DCLK1: variants seen among roughly 807,000 people sequenced by gnomAD.
DCLK1 encodes the protein serine/threonine-protein kinase DCLK1.
A neutral mutation model predicts 86.2 loss-of-function variants in DCLK1; 16 were observed. That is an observed-to-expected ratio of 0.19 (90% CI 0.13 to 0.28). The LOEUF (loss-of-function observed/expected upper bound fraction) is 0.28. DCLK1 is among the 10% of genes least tolerant of loss of function. The pLI is 1.00. For synonymous variants in DCLK1, 369 were observed against 370.5 expected (o/e 1.00, Z 0.05); for missense variants, 590 against 940.2 (o/e 0.63, Z 4.87).
At chr13:35,888,623 G>T (rs1259973509) in intron 4 of DCLK1, among the ~76,000 whole-genome samples, 1 of 152,198 alleles carries the variant, frequency 6.6e-6, no homozygotes, top group Non-Finnish European at 1.5e-5. Context: ...CTTTTGGAGG[G>T]ATTGTGGTCT....
At chr13:35,992,779 T>C (rs1880293813) in intron 3 of DCLK1, among the ~76,000 whole-genome samples, 2 of 152,158 alleles carry the variant, frequency 1.3e-5, no homozygotes, top group African/African-American at 2.4e-5. Flanking sequence ...GACAATACAT[T>C]TTATGATCAC....
chr13:35,893,895 G>A (rs904166981), intron 4 of DCLK1, among the ~76,000 whole-genome samples: 1 of 152,146 alleles, frequency 6.6e-6, no homozygotes, highest in Non-Finnish European at 1.5e-5. Context: ...AGTAATGATG[G>A]TGATGCCAAA....
At chr13:36,095,606 C>G (rs1884985259) in intron 3 of DCLK1, among the ~76,000 whole-genome samples, 1 of 152,136 alleles carries the variant, frequency 6.6e-6, no homozygotes, top group African/African-American at 2.4e-5. Context: ...TGATTTATGT[C>G]ACCGGATAAG....
At chr13:35,842,228 C>CA (rs35862851) in intron 6 of DCLK1, among the ~76,000 whole-genome samples, 22,616 of 35,002 alleles carry the variant, frequency 0.65, 8,829 homozygotes, top group Non-Finnish European at 0.75. Flanking sequence ...GACTCCATCT[C>CA]AAAAAAAAAA....
chr13:35,888,709 C>A (rs1406178187), intron 4 of DCLK1, among the ~76,000 whole-genome samples: 1 of 152,216 alleles, frequency 6.6e-6, no homozygotes, highest in Non-Finnish European at 1.5e-5. Context: ...TCAGATGATA[C>A]TCTATTTGCA....
intron 4 of DCLK1, among the ~76,000 whole-genome samples, chr13:35,890,442 T>C (rs190947927): frequency 1.3e-5 from 2 of 152,350 alleles, no homozygotes; most frequent in East Asian, 1.9e-4. Flanking sequence ...AATGACAGCA[T>C]AGTATTCCAT....
intron 3 of DCLK1, among the ~76,000 whole-genome samples, chr13:35,957,703 A>AT (rs1180819560): frequency 6.6e-6 from 1 of 152,180 alleles, no homozygotes; most frequent in East Asian, 1.9e-4. Context: ...TGCCAGGAAC[A>AT]TTTGTAAAGG....
At chr13:35,936,331 C>T (rs1876747573) in intron 4 of DCLK1, among the ~76,000 whole-genome samples, 1 of 152,212 alleles carries the variant, frequency 6.6e-6, no homozygotes, top group Non-Finnish European at 1.5e-5. Context: ...ATGAACATTT[C>T]ACCCAGACTC....
intron 2 of DCLK1, among the ~76,000 whole-genome samples, chr13:36,121,819 T>C (rs1052058265): frequency 6.6e-6 from 1 of 152,042 alleles, no homozygotes; most frequent in African/African-American, 2.4e-5. Flanking sequence ...CTCAAGAAAC[T>C]AGTAGGCTGG....
intron 3 of DCLK1, among the ~76,000 whole-genome samples, chr13:36,073,198 T>C (rs183393629): frequency 2.6e-5 from 4 of 152,330 alleles, no homozygotes; most frequent in African/African-American, 9.6e-5. Context: ...TTTAGAACAC[T>C]TTCATCACCT....
intron 4 of DCLK1, among the ~76,000 whole-genome samples, chr13:35,937,136 T>C (rs1876807256): frequency 3.1e-5 from 1 of 31,858 alleles, no homozygotes; most frequent in South Asian, 1.6e-3. Context: ...TGTCCGGCTA[T>C]TTTTTTTTTT....
intron 11 of DCLK1, among the ~76,000 whole-genome samples, chr13:35,814,474 A>G (rs575139915): frequency 6.6e-5 from 10 of 152,306 alleles, no homozygotes; most frequent in Middle Eastern, 3.4e-3. Flanking sequence ...TATTCTGACC[A>G]TCTTTCAGAA....
chr13:35,804,173 C>A (rs2086978594), intron 15 of DCLK1, among the ~76,000 whole-genome samples: 1 of 152,154 alleles, frequency 6.6e-6, no homozygotes, highest in African/African-American at 2.4e-5. Context: ...CTCTGTCACC[C>A]AGGCTGGAGT....
intron 3 of DCLK1, among the ~76,000 whole-genome samples, chr13:36,077,375 G>GC (rs1482019014): frequency 1.3e-5 from 2 of 152,050 alleles, no homozygotes; most frequent in Non-Finnish European, 2.9e-5. Context: ...AAATCTACTT[G>GC]CCCCCCTTCT....
chr13:35,913,887 C>G lies in DCLK1; in HGVS notation c.823+33471G>C, dbSNP rs187820625. On this transcript the variant is annotated intron_variant, in intron 4 of 16. Coordinates refer to ENST00000360631, the MANE Select transcript of DCLK1 (RefSeq NM_001330071.2). The stretch of plus-strand genomic sequence containing the variant: ...ACTAAACTTGCAAAGGGTAGGTAAC[C>G]AAGTGCTGTCTACCTGAGCAGGGCA... 1.3e-4 allele frequency among the ~76,000 whole-genome samples: 20 copies of G among 152,286 alleles called. No homozygotes were observed. In the East Asian group the frequency reaches 3.3e-3, roughly 25 times the overall value.
chr13:36,019,737 C>T (rs1881690195), intron 3 of DCLK1, among the ~76,000 whole-genome samples: 1 of 152,152 alleles, frequency 6.6e-6, no homozygotes, highest in South Asian at 2.1e-4. Flanking sequence ...CTTGGCAATA[C>T]AAAAATTGCA....
chr13:35,794,540 C>T (rs917111692), intron 15 of DCLK1, among the ~76,000 whole-genome samples: 4 of 152,328 alleles, frequency 2.6e-5, no homozygotes, highest in South Asian at 4.1e-4. Context: ...ATGGCATTTG[C>T]TTTTTCTTTC....
At chr13:35,790,703 T>A (rs1413364190) in intron 16 of DCLK1, among the ~76,000 whole-genome samples, 2 of 152,144 alleles carry the variant, frequency 1.3e-5, no homozygotes, top group Non-Finnish European at 1.5e-5. Context: ...AAATTAATCA[T>A]TATATTAAAT....
At position 35,774,340 on chromosome 13, in the gene DCLK1, C is replaced by T. The variant is rs2086383875; in HGVS notation, c.*195G>A. ...GAGGACTCTATTAGCAGCAAATTAC[C>T]ATCTTCACAATCACCACGTGTCATC... On this transcript the variant is annotated 3_prime_UTR_variant, in exon 17 of 17. Coordinates refer to ENST00000360631, the MANE Select transcript of DCLK1 (RefSeq NM_001330071.2). The T allele has an allele frequency of 5.5e-6, 4 of 732,118 alleles. No homozygotes were observed. Among genetic ancestry groups the T allele is most frequent in the Non-Finnish European group, 8.5e-6 (4 of 472,132 alleles). 45.4% of individuals were successfully genotyped at this position (732,118 alleles called of 1,614,324 possible).
Sources: gnomAD v4.1 joint callset for allele counts (sites outside exome capture counted in the v4.1 genomes callset) on GRCh38, gnomAD v4.1.1 for gene constraint, MANE v1.5 for transcripts, NCBI Gene and HGNC (gene_info 2026-07-23, HGNC 2026-07-21) for gene names.